Variants in ZNF571 observed in about 807,000 individuals in gnomAD.
ZNF571 encodes the protein zinc finger protein 571.
A neutral mutation model predicts 7.7 loss-of-function variants in ZNF571; 4 were observed. The observed-to-expected ratio is 0.52, with a 90% CI of 0.25 to 1.18. The LOEUF is 1.18. Ranked by LOEUF, ZNF571 falls within the 50% of genes most tolerant of loss-of-function variation. The pLI is 0.14. For missense variants in ZNF571, 704 were observed against 726.9 expected, an observed-to-expected ratio of 0.97 and a Z score of 0.36; for synonymous variants, 251 against 232.4, an observed-to-expected ratio of 1.08 and a Z score of -0.73.
chr19:37,591,872 C>T (rs1025760588), intron 1 of ZNF571, among the ~76,000 whole-genome samples: 1 of 151,774 alleles, frequency 6.6e-6, no homozygotes, highest in African/African-American at 2.4e-5. Context: ...TAACCAAATA[C>T]TTGATGAAAA....
At chr19:37,593,250 G>A (rs1335369392) in intron 1 of ZNF571, among the ~76,000 whole-genome samples, 1 of 152,120 alleles carries the variant, frequency 6.6e-6, no homozygotes, top group Non-Finnish European at 1.5e-5. Flanking sequence ...AACGGGGAAG[G>A]ATTGATACAA....
chr19:37,565,727 C>T lies in ZNF571; in HGVS notation c.701G>A (p.Arg234His), dbSNP rs778664713. The T allele has an allele frequency of 1.1e-5, 17 of 1,613,680 alleles. No individual in the cohort carries two copies. The highest frequency in any genetic ancestry group is 5.3e-5 in the African/African-American group (4 of 74,864). Residue 234 changes from arginine (R) to histidine (H), a missense_variant, in exon 4 of 4, where the codon CGT (arginine) becomes CAT (histidine). By Grantham distance (29) the Arg-to-His change is conservative (BLOSUM62 0). Coordinates refer to ENST00000451802, the MANE Select transcript of ZNF571 (RefSeq NM_016536.5). ...QCNACGKAFIRGSQLTEHQRV... is the reference protein window; with the variant it reads ...QCNACGKAFIHGSQLTEHQRV... ...CTGATGTTCAGTGAGCTGTGAACCA[C>T]GAATAAAAGCTTTCCCACATGCGTT...
intron 3 of ZNF571, among the ~76,000 whole-genome samples, chr19:37,571,778 A>G (rs2058242693): frequency 1.3e-5 from 2 of 152,198 alleles, no homozygotes; most frequent in Non-Finnish European, 2.9e-5. Flanking sequence ...TAACAGAAAC[A>G]TGATAAGTAT....
At chr19:37,568,143 G>T (rs1250180564) in intron 3 of ZNF571, among the ~76,000 whole-genome samples, 1 of 152,116 alleles carries the variant, frequency 6.6e-6, no homozygotes, top group Non-Finnish European at 1.5e-5. Context: ...GCAGGCACAG[G>T]GTCTCTGACC....
intron 2 of ZNF571, chr19:37,585,464 C>T (rs2043637901): frequency 6.6e-6 from 1 of 152,240 alleles, no homozygotes; most frequent in African/African-American, 2.4e-5. Flanking sequence ...ATGGCACCTA[C>T]AGAAGGCCAC....
At chr19:37,578,931 G>T (rs1217822418) in intron 3 of ZNF571, among the ~76,000 whole-genome samples, 1 of 152,102 alleles carries the variant, frequency 6.6e-6, no homozygotes, top group Non-Finnish European at 1.5e-5. Context: ...AGTGAAGTTC[G>T]GCATTGTTTG....
intron 1 of ZNF571, among the ~76,000 whole-genome samples, chr19:37,587,641 G>GAACTTA (rs1294372336): frequency 6.6e-6 from 1 of 150,534 alleles, no homozygotes; most frequent in East Asian, 2.0e-4. Flanking sequence ...TATAATCCAT[G>GAACTTA]AACTTAACAT....
At position 37,565,329 on chromosome 19, in the gene ZNF571, C is replaced by T. The variant is rs777982924; in HGVS notation, c.1099G>A (p.Glu367Lys). Residue 367 changes from glutamate (E) to lysine (K), a missense_variant, in exon 4 of 4, where the codon GAA (glutamate) becomes AAA (lysine). Glu to Lys is a moderately conservative substitution (Grantham distance 56, BLOSUM62 1). Coordinates refer to ENST00000451802, the MANE Select transcript of ZNF571 (RefSeq NM_016536.5). The stretch of plus-strand genomic sequence containing the variant: ...CCACGAAAAAAGGTCTTCCCGCATT[C>T]TTTACATTCATAGGGTTTCTCTCCT... ...HTGEKPYECK[E>K]CGKTFFRGSQ... 5.3e-5 allele frequency: 86 copies of T among 1,612,736 alleles called. No homozygotes were observed. The Middle Eastern group carries it at 6.6e-4, about 12-fold the overall frequency.
intron 3 of ZNF571, among the ~76,000 whole-genome samples, chr19:37,582,178 C>T (rs1375522354): frequency 6.6e-6 from 1 of 152,032 alleles, no homozygotes; most frequent in Non-Finnish European, 1.5e-5. Context: ...TTATTGTTGA[C>T]TTACTTCTTT....
chr19:37,570,312 G>T (rs1298835943), intron 3 of ZNF571, among the ~76,000 whole-genome samples: 1 of 152,040 alleles, frequency 6.6e-6, no homozygotes, highest in South Asian at 2.1e-4. Context: ...CCTCTGCCCC[G>T]CCTGTGATTA....
At chr19:37,593,075 G>A (rs2043912795) in intron 1 of ZNF571, among the ~76,000 whole-genome samples, 1 of 151,656 alleles carries the variant, frequency 6.6e-6, no homozygotes, top group African/African-American at 2.4e-5. Flanking sequence ...TAACCACCAC[G>A]CTGTTACACC....
At chr19:37,583,527 C>G (rs2043550663) in intron 3 of ZNF571, 1 of 154,984 alleles carries the variant, frequency 6.5e-6, no homozygotes, top group Non-Finnish European at 1.4e-5. Flanking sequence ...GCACACACCT[C>G]AAAGTGCTGC....
At chr19:37,579,826 T>C (rs1325613648) in intron 3 of ZNF571, among the ~76,000 whole-genome samples, 3 of 152,218 alleles carry the variant, frequency 2.0e-5, no homozygotes, top group African/African-American at 7.2e-5. Flanking sequence ...AACCTTAATA[T>C]ACTTTTTTTG....
At chr19:37,573,457 G>GT (rs2043135359) in intron 3 of ZNF571, among the ~76,000 whole-genome samples, 1 of 152,056 alleles carries the variant, frequency 6.6e-6, no homozygotes, top group African/African-American at 2.4e-5. Context: ...CTCAACACTA[G>GT]TTTTAGCCTT....
intron 3 of ZNF571, among the ~76,000 whole-genome samples, chr19:37,572,006 A>AAT (rs150177228): frequency 1.7e-4 from 26 of 150,912 alleles, no homozygotes; most frequent in African/African-American, 5.6e-4. Flanking sequence ...CAAATAGACT[A>AAT]TATGGCCATA....
chr19:37,590,346 G>C (rs2043830886), intron 1 of ZNF571, among the ~76,000 whole-genome samples: 1 of 152,148 alleles, frequency 6.6e-6, no homozygotes, highest in Admixed American at 6.5e-5. Context: ...GAACCCAGGA[G>C]GCGGAGCTTG....
At chr19:37,567,747 C>T (rs1030132017) in intron 3 of ZNF571, 29 of 152,226 alleles carry the variant, frequency 1.9e-4, no homozygotes, top group African/African-American at 7.0e-4. Flanking sequence ...TAGGTCCATG[C>T]CAGGTATTTT....
chr19:37,593,309 G>C (rs2043921913), intron 1 of ZNF571, among the ~76,000 whole-genome samples: 1 of 152,010 alleles, frequency 6.6e-6, no homozygotes, highest in Admixed American at 6.5e-5. Flanking sequence ...AACATGTTGG[G>C]GTTCGTATTA....
chr19:37,586,562 G>A (rs922485290), intron 2 of ZNF571, 106 bp downstream of exon 2: 2 of 1,325,160 alleles, frequency 1.5e-6, no homozygotes, highest in Non-Finnish European at 2.1e-6. Flanking sequence ...TTTGGAAGCA[G>A]TTCCCTTAAG....
Sources: allele counts gnomAD v4.1 joint callset (sites outside exome capture counted in the v4.1 genomes callset), GRCh38; gene constraint gnomAD v4.1.1; transcripts MANE v1.5; gene names NCBI Gene and HGNC (gene_info 2026-07-23, HGNC 2026-07-21).